HEPHL1: variants seen among roughly 807,000 people sequenced by gnomAD.
The protein encoded by HEPHL1 is ferroxidase HEPHL1.
In HEPHL1, 123 loss-of-function variants were observed where a neutral mutation model predicts 122.0. The observed-to-expected ratio is 1.01, with a 90% CI of 0.87 to 1.17. The LOEUF (loss-of-function observed/expected upper bound fraction) is 1.17. Among genes scored for constraint, HEPHL1 ranks in the 50% most tolerant of loss-of-function variants. HEPHL1 has a pLI of 0.00. For synonymous variants in HEPHL1, 527 were observed against 508.9 expected (o/e 1.04, Z -0.48); for missense variants, 1,452 against 1,430.5 (o/e 1.01, Z -0.24).
rs183249644 is a variant in HEPHL1 at position 94,042,969 on chromosome 11, C to G, written c.171-2704C>G. On this transcript the variant is annotated intron_variant, in intron 1 of 19. Coordinates refer to ENST00000315765, the MANE Select transcript of HEPHL1 (RefSeq NM_001098672.2). ...TAGACATTAATTCCTTTGGGAAAGG[C>G]TGGGATAGGTTTCCTTTGGAAAGGA... Among the ~76,000 whole-genome samples the G allele has an allele frequency of 1.6e-3, 237 of 149,326 alleles. 1 individual carries two copies. Among genetic ancestry groups the G allele is most frequent in the African/African-American group, 5.4e-3 (218 of 40,606 alleles).
chr11:94,092,144 G>T (rs758281925), intron 12 of HEPHL1, among the ~76,000 whole-genome samples: 14 of 152,176 alleles, frequency 9.2e-5, no homozygotes, highest in Non-Finnish European at 1.8e-4. Context: ...TATTACAAGT[G>T]GCTGAGATAA....
chr11:94,036,019 A>G (rs1168764690), intron 1 of HEPHL1, among the ~76,000 whole-genome samples: 1 of 152,238 alleles, frequency 6.6e-6, no homozygotes, highest in Non-Finnish European at 1.5e-5. Flanking sequence ...TACAGGCGTG[A>G]GCCAACGCGC....
rs377729137 is a variant in HEPHL1, at chr11:94,048,411, G to T, written c.415+2494G>T. Among the ~76,000 whole-genome samples the T allele has an allele frequency of 2.8e-4, 42 of 152,214 alleles. No individual in the cohort carries two copies. The South Asian group carries it at 8.5e-3, about 31-fold the overall frequency. ...GTCTCGCTCTGTCACTCAGGCTGGAGTGCAGTAGTACAGTCATGGTTCATT... is the reference window on the plus strand; with the variant it reads ...GTCTCGCTCTGTCACTCAGGCTGGATTGCAGTAGTACAGTCATGGTTCATT... On this transcript the variant is annotated intron_variant, in intron 2 of 19. Coordinates refer to ENST00000315765, the MANE Select transcript of HEPHL1 (RefSeq NM_001098672.2).
chr11:94,093,456 T>G, intron 12 of HEPHL1, 45 bp from the exon 13 acceptor site: 1 of 1,610,110 alleles, frequency 6.2e-7, no homozygotes, highest in Non-Finnish European at 8.5e-7. Flanking sequence ...CTCAAAGCTT[T>G]TCTGCTTTCT....
chr11:94,023,771 T>C (rs1418514920), intron 1 of HEPHL1, among the ~76,000 whole-genome samples: 2 of 152,198 alleles, frequency 1.3e-5, no homozygotes, highest in African/African-American at 4.8e-5. Flanking sequence ...TGCTACCTCT[T>C]GGAAGGGAAA....
At chr11:94,098,484 A>G (rs1285956051) in intron 13 of HEPHL1, among the ~76,000 whole-genome samples, 1 of 152,070 alleles carries the variant, frequency 6.6e-6, no homozygotes, top group Non-Finnish European at 1.5e-5. Flanking sequence ...TCTGACAATT[A>G]TGTGTCTTGT....
At chr11:94,054,133 T>C (rs973108771) in intron 2 of HEPHL1, among the ~76,000 whole-genome samples, 3 of 152,170 alleles carry the variant, frequency 2.0e-5, no homozygotes, top group African/African-American at 4.8e-5. Context: ...AACAACAGTT[T>C]ATACAGATCT....
chr11:94,072,992 A>G lies in HEPHL1; in HGVS notation c.1233-33A>G, dbSNP rs762624704. The stretch of plus-strand genomic sequence containing the variant: ...AAAGTATTTGGTGGATATGTTGAGA[A>G]GTGTCCTCAATCACATTCCTATGTC... On this transcript the variant is annotated intron_variant, in intron 6 of 19. Coordinates refer to ENST00000315765, the MANE Select transcript of HEPHL1 (RefSeq NM_001098672.2). 54 of 1,598,562 alleles carry G rather than the reference A, an allele frequency of 3.4e-5. 1 individual carries two copies. Among genetic ancestry groups the G allele is most frequent in the Non-Finnish European group, 3.4e-6 (4 of 1,168,674 alleles).
intron 1 of HEPHL1, among the ~76,000 whole-genome samples, chr11:94,032,279 GA>G (rs1456851425): frequency 1.3e-5 from 2 of 152,140 alleles, no homozygotes; most frequent in East Asian, 3.9e-4. Flanking sequence ...AACCGTGGGG[GA>G]TTCTCCAGCC....
chr11:94,023,683 G>A (rs1518561), intron 1 of HEPHL1, among the ~76,000 whole-genome samples: 41,171 of 152,078 alleles, frequency 0.27, 6,584 homozygotes, highest in African/African-American at 0.43. Context: ...GGCATGCTAA[G>A]GTGTCATACC....
At chr11:94,081,805 T>A (rs1272157368) in intron 9 of HEPHL1, among the ~76,000 whole-genome samples, 1 of 152,054 alleles carries the variant, frequency 6.6e-6, no homozygotes, top group East Asian at 1.9e-4. Flanking sequence ...ATAAATAAAA[T>A]AGTTTCAGGT....
intron 1 of HEPHL1, among the ~76,000 whole-genome samples, chr11:94,045,198 G>T (rs1206802792): frequency 6.6e-6 from 1 of 152,234 alleles, no homozygotes; most frequent in Admixed American, 6.5e-5. Context: ...GGACCACTAT[G>T]CCTGGCCTCC....
chr11:94,049,339 AAAAC>A (rs1945869715), intron 2 of HEPHL1, among the ~76,000 whole-genome samples: 3 of 152,020 alleles, frequency 2.0e-5, no homozygotes, highest in Admixed American at 1.3e-4. Context: ...CCAAAAAACA[AAAAC>A]AACCAGATAC....
At chr11:94,087,981 A>T (rs2134442777) in intron 11 of HEPHL1, among the ~76,000 whole-genome samples, 1 of 152,348 alleles carries the variant, frequency 6.6e-6, no homozygotes. Context: ...AAGGGGAGAA[A>T]GATTTATTGA....
At chr11:94,064,929 G>A (rs1449480824) in intron 4 of HEPHL1, among the ~76,000 whole-genome samples, 3 of 152,102 alleles carry the variant, frequency 2.0e-5, no homozygotes, top group Non-Finnish European at 4.4e-5. Flanking sequence ...TTTCTGAGCC[G>A]CTGATAAATT....
intron 1 of HEPHL1, among the ~76,000 whole-genome samples, chr11:94,029,425 G>C (rs1280900762): frequency 6.6e-6 from 1 of 152,174 alleles, no homozygotes; most frequent in African/African-American, 2.4e-5. Context: ...ACTTGCAAAA[G>C]CAGAATCACT....
chr11:94,055,844 C>T (rs1945932096), intron 2 of HEPHL1: 1 of 532,170 alleles, frequency 1.9e-6, no homozygotes, highest in African/African-American at 1.9e-5. Flanking sequence ...TCCTGTACTC[C>T]ATGGAATCTG....
chr11:94,030,458 C>T (rs1945663842), intron 1 of HEPHL1, among the ~76,000 whole-genome samples: 1 of 152,058 alleles, frequency 6.6e-6, no homozygotes, highest in African/African-American at 2.4e-5. Flanking sequence ...TCATCTGGGT[C>T]CCAGGTTCCT....
At chr11:94,080,253 T>C (rs931152116) in intron 9 of HEPHL1, among the ~76,000 whole-genome samples, 4 of 151,974 alleles carry the variant, frequency 2.6e-5, no homozygotes, top group Non-Finnish European at 5.9e-5. Context: ...ATGCAGAAAA[T>C]TGAAACTGGA....
Sources: gnomAD v4.1 joint callset for allele counts (sites outside exome capture counted in the v4.1 genomes callset) on GRCh38, gnomAD v4.1.1 for gene constraint, MANE v1.5 for transcripts, NCBI Gene and HGNC (gene_info 2026-07-23, HGNC 2026-07-21) for gene names.